Variants in FSTL5 observed in about 807,000 individuals in gnomAD.
FSTL5 encodes the protein follistatin like 5, also known as follistatin-related protein 5.
In FSTL5, 62 loss-of-function variants were observed where a neutral mutation model predicts 89.1. The ratio of observed to expected loss-of-function variants is 0.70; its 90% CI spans 0.57 to 0.86. The LOEUF (loss-of-function observed/expected upper bound fraction) is 0.86, where lower values mean the gene tolerates loss of function less well. FSTL5 is among the 40% of genes least tolerant of loss of function. The pLI is 0.00. For synonymous variants in FSTL5, 383 were observed against 346.2 expected (o/e 1.11, Z -1.18); for missense variants, 1,057 against 1,001.6 (o/e 1.06, Z -0.75).
chr4:161,447,199 G>A lies in FSTL5; in HGVS notation c.1841+7805C>T, dbSNP rs116355095. ...TATTAGTGCTCCATTGATTTCTTCA[G>A]TAAAAATTTGTTGTAGAATGAGTCT... On this transcript the variant is annotated intron_variant, in intron 15 of 15. Coordinates refer to ENST00000306100, the MANE Select transcript of FSTL5 (RefSeq NM_020116.5). Among the ~76,000 whole-genome samples the A allele has an allele frequency of 2.8e-3, 421 of 152,134 alleles. 2 individuals carry two copies. Among genetic ancestry groups the A allele is most frequent in the African/African-American group, 9.1e-3 (378 of 41,544 alleles).
intron 4 of FSTL5, among the ~76,000 whole-genome samples, chr4:161,883,517 T>G (rs927224750): frequency 6.6e-6 from 1 of 152,154 alleles, no homozygotes; most frequent in Non-Finnish European, 1.5e-5. Flanking sequence ...AAATCTCCCT[T>G]GATACGTATT....
intron 6 of FSTL5, among the ~76,000 whole-genome samples, chr4:161,752,592 C>CT (rs983557409): frequency 6.6e-6 from 1 of 151,970 alleles, no homozygotes; most frequent in African/African-American, 2.4e-5. Flanking sequence ...GAAGACTTCA[C>CT]TTTTTTTTCC....
At chr4:161,726,912 A>AAT (rs1310686523) in intron 6 of FSTL5, among the ~76,000 whole-genome samples, 40 of 49,736 alleles carry the variant, frequency 8.0e-4, no homozygotes, top group South Asian at 1.5e-3. Flanking sequence ...AAAAAAAAAA[A>AAT]ATATATATAT....
intron 11 of FSTL5, among the ~76,000 whole-genome samples, chr4:161,509,780 G>A (rs549199888): frequency 2.4e-4 from 37 of 152,206 alleles, no homozygotes; most frequent in African/African-American, 7.9e-4. Flanking sequence ...TGGGGCAAAC[G>A]CATTCTTCCC....
At chr4:161,460,213 TTC>T (rs1357779713) in intron 13 of FSTL5, among the ~76,000 whole-genome samples, 1 of 152,042 alleles carries the variant, frequency 6.6e-6, no homozygotes, top group Non-Finnish European at 1.5e-5. Context: ...TTAGAGAATT[TTC>T]TTTTTTTTCT....
intron 4 of FSTL5, among the ~76,000 whole-genome samples, chr4:161,895,432 T>TA (rs1733126095): frequency 6.6e-6 from 1 of 152,180 alleles, no homozygotes; most frequent in East Asian, 1.9e-4. Context: ...TCGCTGTTAG[T>TA]AAATAACAGG....
At position 161,737,561 on chromosome 4, in the gene FSTL5, C is replaced by T. The variant is rs982594825; in HGVS notation, c.727+21850G>A. On this transcript the variant is annotated intron_variant, in intron 6 of 15. Coordinates refer to ENST00000306100, the MANE Select transcript of FSTL5 (RefSeq NM_020116.5). The stretch of plus-strand genomic sequence containing the variant: ...TCTTAATTCACTACCTTTTAGTGCC[C>T]ATTTCTCACCAGTTGAGCACAAGTA... 1.4e-4 allele frequency among the ~76,000 whole-genome samples: 21 copies of T among 151,922 alleles called. 1 individual carries two copies. The highest frequency in any genetic ancestry group is 3.9e-4 in the Admixed American group (6 of 15,238).
chr4:161,623,367 G>A (rs1463304760), intron 7 of FSTL5, among the ~76,000 whole-genome samples: 1 of 151,742 alleles, frequency 6.6e-6, no homozygotes, highest in East Asian at 1.9e-4. Flanking sequence ...AAAGACACAT[G>A]TTCACTGCAA....
At chr4:161,779,775 GTATATATA>G (rs869254842) in intron 4 of FSTL5, among the ~76,000 whole-genome samples, 2 of 25,424 alleles carry the variant, frequency 7.9e-5, no homozygotes, top group African/African-American at 4.1e-4. Flanking sequence ...ATATATATAT[GTATATATA>G]TATATATATA....
At chr4:162,035,611 GGTA>G (rs1339924202) in intron 2 of FSTL5, among the ~76,000 whole-genome samples, 6 of 152,006 alleles carry the variant, frequency 3.9e-5, no homozygotes, top group Non-Finnish European at 8.8e-5. Flanking sequence ...TGGGGCATTT[GGTA>G]GGACTTTGGT....
chr4:161,925,416 G>T (rs550207219), intron 3 of FSTL5, among the ~76,000 whole-genome samples: 29 of 151,806 alleles, frequency 1.9e-4, no homozygotes, highest in Middle Eastern at 3.4e-3. Context: ...ACTTTCAATA[G>T]GTTTTTACAA....
chr4:161,531,632 C>G (rs999136384), intron 10 of FSTL5, among the ~76,000 whole-genome samples: 1 of 152,112 alleles, frequency 6.6e-6, no homozygotes, highest in Non-Finnish European at 1.5e-5. Flanking sequence ...CAAAAGTGAA[C>G]TCTAGAAAAA....
At chr4:161,922,091 G>A (rs1440192281) in intron 3 of FSTL5, among the ~76,000 whole-genome samples, 1 of 151,910 alleles carries the variant, frequency 6.6e-6, no homozygotes, top group African/African-American at 2.4e-5. Context: ...AAGATCAACA[G>A]TACCAATGGC....
At chr4:161,490,511 T>G (rs1031290333) in intron 12 of FSTL5, among the ~76,000 whole-genome samples, 1 of 152,168 alleles carries the variant, frequency 6.6e-6, no homozygotes, top group Non-Finnish European at 1.5e-5. Flanking sequence ...CACATTTGAT[T>G]CAGTACAGTA....
intron 13 of FSTL5, among the ~76,000 whole-genome samples, chr4:161,477,310 A>G (rs1247259090): frequency 6.6e-6 from 1 of 150,708 alleles, no homozygotes; most frequent in African/African-American, 2.4e-5. Flanking sequence ...TTAAAAAGGC[A>G]GATAAATTAC....
intron 3 of FSTL5, among the ~76,000 whole-genome samples, chr4:161,928,599 G>A (rs1734194378): frequency 6.6e-6 from 1 of 151,628 alleles, no homozygotes; most frequent in Non-Finnish European, 1.5e-5. Flanking sequence ...CAATGTTTTG[G>A]ATTTTTACCA....
intron 10 of FSTL5, among the ~76,000 whole-genome samples, chr4:161,517,664 C>T (rs1730887387): frequency 6.6e-6 from 1 of 152,134 alleles, no homozygotes; most frequent in Non-Finnish European, 1.5e-5. Context: ...TAACATCATG[C>T]TGTACTATTG....
intron 4 of FSTL5, among the ~76,000 whole-genome samples, chr4:161,916,158 C>A (rs1460283280): frequency 6.6e-6 from 1 of 152,182 alleles, no homozygotes; most frequent in Non-Finnish European, 1.5e-5. Flanking sequence ...AACCATATTT[C>A]TCAAGTTGTT....
At chr4:161,605,160 A>G (rs184504969) in intron 7 of FSTL5, among the ~76,000 whole-genome samples, 3 of 152,326 alleles carry the variant, frequency 2.0e-5, no homozygotes, top group Admixed American at 2.0e-4. Context: ...ATTAGCATAC[A>G]GAAAATAAAT....
Sources: allele counts gnomAD v4.1 joint callset (sites outside exome capture counted in the v4.1 genomes callset), GRCh38; gene constraint gnomAD v4.1.1; transcripts MANE v1.5; gene names NCBI Gene and HGNC (gene_info 2026-07-23, HGNC 2026-07-21).